Variants in CLEC4F observed in about 807,000 individuals in gnomAD.
CLEC4F encodes the protein C-type lectin domain family 4 member F, also known as C-type (calcium dependent, carbohydrate-recognition domain) lectin, superfamily member 13.
In CLEC4F, 45 loss-of-function variants were observed where a neutral mutation model predicts 53.4. That is an observed-to-expected ratio of 0.84 (90% CI 0.66 to 1.08). CLEC4F has a LOEUF of 1.08. Ranked by LOEUF, CLEC4F falls within the 50% of genes least tolerant of loss-of-function variation. CLEC4F has a pLI of 0.00. For missense variants in CLEC4F, 753 were observed against 698.2 expected (o/e 1.08, Z -0.88); for synonymous variants, 245 against 257.5 (o/e 0.95, Z 0.46).
chr2:70,818,243 C>T (rs73937021), intron 3 of CLEC4F, among the ~76,000 whole-genome samples: 8,645 of 152,146 alleles, frequency 0.057, 333 homozygotes, highest in South Asian at 0.12. Flanking sequence ...CAAATCAATG[C>T]GACAGAATGG....
At chr2:70,824,180 T>C (rs1290209748), upstream of CLEC4F, among the ~76,000 whole-genome samples, 1 of 152,132 alleles carries the variant, frequency 6.6e-6, no homozygotes, top group African/African-American at 2.4e-5. Context: ...GACAGCTTCT[T>C]GACATGATGT....
At chr2:70,823,922 C>T (rs13412300), upstream of CLEC4F, among the ~76,000 whole-genome samples, 2 of 150,816 alleles carry the variant, frequency 1.3e-5, no homozygotes, top group African/African-American at 4.9e-5. Context: ...CCCAGCTACT[C>T]GGGAGGCTGA....
chr2:70,823,326 T>C (rs1426991913), upstream of CLEC4F, among the ~76,000 whole-genome samples: 1 of 152,300 alleles, frequency 6.6e-6, no homozygotes, highest in East Asian at 1.9e-4. Flanking sequence ...GCCAGACTCC[T>C]TCACCGCCAC....
chr2:70,821,637 A>G (rs1677225948), upstream of CLEC4F, among the ~76,000 whole-genome samples: 1 of 152,178 alleles, frequency 6.6e-6, no homozygotes, highest in Admixed American at 6.5e-5. Flanking sequence ...CCTTTACAAT[A>G]AAAGAATAGG....
intron 3 of CLEC4F, 94 bp downstream of exon 3, chr2:70,819,261 G>A (rs930119861): frequency 2.1e-6 from 2 of 940,718 alleles, no homozygotes; most frequent in Non-Finnish European, 3.5e-6. Flanking sequence ...CCCATTCAGT[G>A]GTCAGAGGGT....
In CLEC4F at chr2:70,812,550, C is replaced by T. The variant is rs576715508; in HGVS notation, c.1436G>A (p.Ser479Asn). The change falls in exon 5 of 7, where the codon AGC becomes AAC. Residue 479 changes from serine (S) to asparagine (N), a missense_variant. By Grantham distance (46) the Ser-to-Asn change is conservative. Coordinates refer to ENST00000272367, the MANE Select transcript of CLEC4F (RefSeq NM_173535.3). ...CTTGACACTAGAAAAATAATATAAG[C>T]TTCCACCATTGAACTTCCAGCCTTG... ...VLQGWKFNGG[S>N]LYYFSSVKKS... 2 of 1,614,208 alleles carry T rather than the reference C, an allele frequency of 1.2e-6. No individual in the cohort carries two copies. Among genetic ancestry groups the T allele is most frequent in the South Asian group, 1.1e-5 (1 of 91,086 alleles).
upstream of CLEC4F, among the ~76,000 whole-genome samples, chr2:70,820,813 C>T (rs1231042246): frequency 6.6e-6 from 1 of 152,192 alleles, no homozygotes. Context: ...TCCAGCATAA[C>T]CCCAAACACA....
chr2:70,809,715 G>A lies in CLEC4F; in HGVS notation c.1658+24C>T, dbSNP rs1478593389. ...TCCACCAAAGACAGTGCCTGGGACA[G>A]CGCCAGATGGTGGCTAGACTCACGC... is the stretch of plus-strand genomic sequence containing the variant. On this transcript the variant is annotated intron_variant, in intron 6 of 6. Transcript: ENST00000272367. 4 of 1,567,412 alleles carry A rather than the reference G, an allele frequency of 2.6e-6. No individual in the cohort carries two copies. In the Admixed American group the frequency reaches 5.0e-5, roughly 20 times the overall value.
upstream of CLEC4F, among the ~76,000 whole-genome samples, chr2:70,822,562 C>T (rs184050401): frequency 1.8e-3 from 279 of 152,290 alleles, no homozygotes; most frequent in Non-Finnish European, 2.7e-3. Context: ...ACAGGGGTTA[C>T]CAGCTGAACA....
At chr2:70,819,509 CCA>C (rs1677112329) in intron 2 of CLEC4F, 65 bp from the exon 3 acceptor site, 4 of 1,445,958 alleles carry the variant, frequency 2.8e-6, no homozygotes, top group African/African-American at 1.4e-5. Context: ...ATACGCTGTC[CCA>C]CACAGAGGTA....
rs569979400 is a variant in CLEC4F at position 70,812,364 on chromosome 2, A to G, written c.1539+83T>C. The G allele has an allele frequency of 6.0e-6, 9 of 1,497,256 alleles. No individual in the cohort carries two copies. In the East Asian group the frequency reaches 1.4e-4, roughly 23 times the overall value. The allele number at this position is 1,497,256 out of a possible 1,614,324, so 92.7% of individuals were successfully genotyped here. ...AGACATGGAGGTCTCCGTCATACCCACTGAGAGCAGGAAGGCCAAAACACC... is the reference window on the plus strand; with the variant it reads ...AGACATGGAGGTCTCCGTCATACCCGCTGAGAGCAGGAAGGCCAAAACACC... On this transcript the variant is annotated intron_variant, in intron 5 of 6. Transcript: ENST00000272367.
At position 70,820,507 on chromosome 2, in the gene CLEC4F, A is replaced by G; in HGVS notation, c.17T>C (p.Val6Ala). The change falls in exon 1 of 7, where the codon GTC becomes GCC. Residue 6 changes from valine to alanine, a missense_variant. Coordinates refer to ENST00000272367, the MANE Select transcript of CLEC4F (RefSeq NM_173535.3). Reference sequence around the variant, plus strand: ...ACACTGGTTATCTGTGCAGAAGCGGACTGCCTCACCGTCCATCTCTGCTTC... The same window carrying G: ...ACACTGGTTATCTGTGCAGAAGCGGGCTGCCTCACCGTCCATCTCTGCTTC... MDGEAVRFCTDNQCVS... is the reference protein window; with the variant it reads MDGEAARFCTDNQCVS... The G allele has an allele frequency of 6.3e-7, 1 of 1,590,068 alleles. No homozygotes were observed. The highest frequency in any genetic ancestry group is 2.3e-5 in the East Asian group (1 of 44,140).
Position 70,816,718 on chromosome 2 carries a change from ATTT to A in CLEC4F, c.660_662del (p.Glu220_Asn221delinsAsp). ...TCAACATCTGAATTTCAGAGTTTGC[ATTT>A]TCTAAGCCTCTGCTTAGCACGTGGA... On this transcript the variant is annotated inframe_deletion, in exon 4 of 7. Coordinates refer to ENST00000272367, the MANE Select transcript of CLEC4F (RefSeq NM_173535.3). 1 of 1,614,110 alleles carries A rather than the reference ATTT, an allele frequency of 6.2e-7. No individual in the cohort carries two copies. Among genetic ancestry groups the A allele is most frequent in the Non-Finnish European group, 8.5e-7 (1 of 1,180,012 alleles).
chr2:70,819,463 C>A lies in CLEC4F; in HGVS notation c.179-19G>T. 6.2e-7 allele frequency: 1 copy of A among 1,610,848 alleles called. No homozygotes were observed. Among genetic ancestry groups the A allele is most frequent in the Non-Finnish European group, 8.5e-7 (1 of 1,177,066 alleles). ...TGTTGAACTGAGACATTCCATTTTT[C>A]CAGGTCAGCAAATCCCCAGCCCTGA... On this transcript the variant is annotated intron_variant, in intron 2 of 6. Transcript: ENST00000272367.
upstream of CLEC4F, among the ~76,000 whole-genome samples, chr2:70,822,823 T>A (rs1677259533): frequency 6.6e-6 from 1 of 152,240 alleles, no homozygotes; most frequent in South Asian, 2.1e-4. Context: ...CTTTGCTACT[T>A]TCACCCTCTG....
In CLEC4F at chr2:70,816,152, A is replaced by G; in HGVS notation, c.1229T>C (p.Leu410Ser). 1.2e-6 allele frequency: 2 copies of G among 1,614,192 alleles called. 1 individual carries two copies. Among genetic ancestry groups the G allele is most frequent in the South Asian group, 2.2e-5 (2 of 91,074 alleles). ...ACTGGCCTTCTGCAGATTGCTGTCT[A>G]ACATCTGGGTCTGGGAAGTTAAGGC... Reference protein sequence around the residue: ...ASALTSQTQMLDSNLQKASAE... With the variant: ...ASALTSQTQMSDSNLQKASAE... Residue 410 changes from leucine to serine, a missense_variant, in exon 4 of 7, where the codon TTA becomes TCA. Coordinates refer to ENST00000272367, the MANE Select transcript of CLEC4F (RefSeq NM_173535.3).
chr2:70,811,424 G>C, intron 5 of CLEC4F: 1 of 629,494 alleles, frequency 1.6e-6, no homozygotes, highest in Non-Finnish European at 3.0e-6. Context: ...CCTGTGCCTT[G>C]GTGCCCTGCC....
Position 70,812,457 on chromosome 2 carries a change from T to C in CLEC4F, c.1529A>G (p.Lys510Arg). Residue 510 changes from lysine to arginine, a missense_variant, in exon 5 of 7, where the codon AAG (lysine) becomes AGG (arginine). Transcript: ENST00000272367. ...GCTCGCAGCTCTGACCTGCTCCTCC[T>C]TGGAGGCCACAGATGCCAGATGGGC... is the stretch of plus-strand genomic sequence containing the variant. ...QGAHLASVASKEEQAFLVEFT... is the reference protein window; with the variant it reads ...QGAHLASVASREEQAFLVEFT... The C allele has an allele frequency of 6.2e-7, 1 of 1,614,098 alleles. No individual in the cohort carries two copies. Among genetic ancestry groups the C allele is most frequent in the Non-Finnish European group, 8.5e-7 (1 of 1,180,028 alleles).
At chr2:70,822,938 G>A (rs1301303389), upstream of CLEC4F, among the ~76,000 whole-genome samples, 1 of 152,258 alleles carries the variant, frequency 6.6e-6, no homozygotes, top group Non-Finnish European at 1.5e-5. Flanking sequence ...CAAAGGTGGA[G>A]AAGCCACACG....
Sources: gnomAD v4.1 joint callset for allele counts (sites outside exome capture counted in the v4.1 genomes callset) on GRCh38, gnomAD v4.1.1 for gene constraint, MANE v1.5 for transcripts, NCBI Gene and HGNC (gene_info 2026-07-23, HGNC 2026-07-21) for gene names.